Variants in NFYC observed in about 807,000 individuals in gnomAD.
NFYC encodes nuclear transcription factor Y subunit gamma, also known as CAAT box DNA-binding protein subunit C.
In NFYC, 25 loss-of-function variants were observed where a neutral mutation model predicts 53.1. The observed-to-expected ratio is 0.47, with a 90% CI of 0.34 to 0.66. NFYC has a LOEUF of 0.66. Ranked by LOEUF, NFYC falls within the 30% of genes least tolerant of loss-of-function variation. The pLI, the probability that NFYC is intolerant of heterozygous loss-of-function variation, is 0.01. For missense variants in NFYC, 260 were observed against 422.7 expected (o/e 0.62, Z 3.38); for synonymous variants, 145 against 152.6 (o/e 0.95, Z 0.37).
chr1:40,691,970 C>T (rs539751417), intron 1 of NFYC, 103 bp downstream of exon 1: 31 of 308,894 alleles, frequency 1.0e-4, no homozygotes, highest in African/African-American at 6.5e-4. Context: ...CTTCCTCGCG[C>T]GGCCGCTGCT....
chr1:40,762,859 C>A, intron 6 of NFYC, 29 bp from the exon 7 acceptor site: 5 of 1,535,020 alleles, frequency 3.3e-6, no homozygotes, highest in African/African-American at 1.4e-5. Context: ...CCTGAACTCA[C>A]GCAGCATTCT....
intron 1 of NFYC, among the ~76,000 whole-genome samples, chr1:40,716,091 C>T (rs903491059): frequency 6.6e-6 from 1 of 152,186 alleles, no homozygotes; most frequent in Non-Finnish European, 1.5e-5. Context: ...CAAGGAAATG[C>T]TAAAGTTGGA....
intron 2 of NFYC, among the ~76,000 whole-genome samples, chr1:40,744,643 A>C (rs1645517924): frequency 6.6e-6 from 1 of 152,240 alleles, no homozygotes; most frequent in African/African-American, 2.4e-5. Context: ...GGTCAGGAGC[A>C]TGAGAATGTT....
chr1:40,736,535 C>T (rs1445102746), intron 1 of NFYC, among the ~76,000 whole-genome samples: 1 of 152,126 alleles, frequency 6.6e-6, no homozygotes, highest in Non-Finnish European at 1.5e-5. Context: ...GCCAGCATCC[C>T]GTCACTGGCA....
chr1:40,708,003 C>T (rs1016942177), intron 1 of NFYC, among the ~76,000 whole-genome samples: 2 of 152,116 alleles, frequency 1.3e-5, no homozygotes, highest in Non-Finnish European at 2.9e-5. Flanking sequence ...ATTTAACCAA[C>T]CATGGGTCAA....
At chr1:40,715,110 AAAT>A (rs1199722661) in intron 1 of NFYC, among the ~76,000 whole-genome samples, 3 of 146,854 alleles carry the variant, frequency 2.0e-5, no homozygotes, top group Non-Finnish European at 4.5e-5. Flanking sequence ...ATAAATAAAT[AAAT>A]AATAATTTGG....
At chr1:40,714,561 A>G (rs890960883) in intron 1 of NFYC, among the ~76,000 whole-genome samples, 2 of 152,224 alleles carry the variant, frequency 1.3e-5, no homozygotes, top group African/African-American at 2.4e-5. Flanking sequence ...GAAGATTATA[A>G]TAGACATAGC....
At chr1:40,717,849 G>A (rs1385865641) in intron 1 of NFYC, among the ~76,000 whole-genome samples, 1 of 152,198 alleles carries the variant, frequency 6.6e-6, no homozygotes, top group East Asian at 1.9e-4. Context: ...CATTTGCTGA[G>A]CAAGTAATTT....
At chr1:40,733,065 C>CTGG (rs1378041269) in intron 1 of NFYC, among the ~76,000 whole-genome samples, 1 of 141,476 alleles carries the variant, frequency 7.1e-6, no homozygotes, top group African/African-American at 2.6e-5. Flanking sequence ...AGTCTTGCAC[C>CTGG]TCCTCTTAGG....
rs762013304 is a variant in NFYC at position 40,691,754 on chromosome 1, C to G, written c.-122C>G. ...TTGTGCCCCCGCTTCGCGCGCGCTCCGTTCTCCGTGACGCACACTTCCCCC... is the reference window on the plus strand; with the variant it reads ...TTGTGCCCCCGCTTCGCGCGCGCTCGGTTCTCCGTGACGCACACTTCCCCC... On this transcript the variant is annotated 5_prime_UTR_variant, in exon 1 of 10. Transcript: ENST00000447388. 2.6e-5 allele frequency: 12 copies of G among 455,560 alleles called. No individual in the cohort carries two copies. The highest frequency in any genetic ancestry group is 1.9e-4 in the South Asian group (12 of 64,432). 28.2% of individuals were successfully genotyped at this position (455,560 alleles called of 1,614,324 possible).
Position 40,770,172 on chromosome 1 carries a change from C to T in NFYC, c.889-537C>T, listed in dbSNP as rs895455526. Among the ~76,000 whole-genome samples the T allele has an allele frequency of 2.0e-5, 3 of 152,166 alleles. No individual in the cohort carries two copies. The highest frequency in any genetic ancestry group is 7.2e-5 in the African/African-American group (3 of 41,432). On this transcript the variant is annotated intron_variant, in intron 9 of 9. Coordinates refer to ENST00000447388, the MANE Select transcript of NFYC (RefSeq NM_014223.5). This position sits in a 1 kb window ranked among gnomAD's most constrained non-coding sequence, Gnocchi z 5.3. ...GTGAGTATCTTCTCCACCCCTGGAG[C>T]GTCTTGGCTATAGTTAAGTGTTTAA...
chr1:40,693,898 C>T (rs542821677), intron 1 of NFYC, among the ~76,000 whole-genome samples: 6 of 152,306 alleles, frequency 3.9e-5, no homozygotes, highest in Non-Finnish European at 5.9e-5. Flanking sequence ...ATTCAGACCA[C>T]AGAATTGTAA....
At chr1:40,720,906 T>C (rs1393878047) in intron 1 of NFYC, among the ~76,000 whole-genome samples, 1 of 152,144 alleles carries the variant, frequency 6.6e-6, no homozygotes, top group Non-Finnish European at 1.5e-5. Flanking sequence ...GAGGAACCTG[T>C]GTTTGTTCAT....
intron 1 of NFYC, chr1:40,734,841 T>C (rs1320026379): frequency 6.6e-6 from 1 of 152,234 alleles, no homozygotes; most frequent in Non-Finnish European, 1.5e-5. Context: ...GAAAACATGC[T>C]TCAAACCTTT....
At chr1:40,749,546 G>T in intron 3 of NFYC, 27 bp from the exon 4 acceptor site, 1 of 1,571,132 alleles carries the variant, frequency 6.4e-7, no homozygotes, top group South Asian at 1.1e-5. Context: ...GCTGGTGATT[G>T]ACAGGGAGGG....
At chr1:40,723,956 C>T (rs992533379) in intron 1 of NFYC, among the ~76,000 whole-genome samples, 2 of 152,118 alleles carry the variant, frequency 1.3e-5, no homozygotes, top group African/African-American at 2.4e-5. Context: ...GGATTAGAGG[C>T]ATGAGCTACC....
At chr1:40,726,680 G>A (rs1463010352) in intron 1 of NFYC, among the ~76,000 whole-genome samples, 1 of 152,170 alleles carries the variant, frequency 6.6e-6, no homozygotes, top group Non-Finnish European at 1.5e-5. Context: ...GCCTCCCAAA[G>A]TGCTGGGATT....
intron 5 of NFYC, among the ~76,000 whole-genome samples, chr1:40,755,889 G>A (rs1646189826): frequency 6.6e-6 from 1 of 152,090 alleles, no homozygotes; most frequent in Non-Finnish European, 1.5e-5. Flanking sequence ...TTTTTAAAGG[G>A]TTTGCTTTTT....
At chr1:40,726,950 C>T (rs1431103692) in intron 1 of NFYC, among the ~76,000 whole-genome samples, 7 of 152,154 alleles carry the variant, frequency 4.6e-5, no homozygotes, top group Admixed American at 1.3e-4. Flanking sequence ...TTTCAAGGAA[C>T]GACTTTCTTT....
Sources: allele counts gnomAD v4.1 joint callset (sites outside exome capture counted in the v4.1 genomes callset), GRCh38; gene constraint gnomAD v4.1.1; non-coding constraint Gnocchi (gnomAD v3.1); transcripts MANE v1.5; gene names NCBI Gene and HGNC (gene_info 2026-07-23, HGNC 2026-07-21).